GPHN: variants seen among roughly 807,000 people sequenced by gnomAD.
GPHN encodes the protein gephyrin.
A neutral mutation model predicts 95.5 loss-of-function variants in GPHN; 17 were observed. The observed-to-expected ratio is 0.18, with a 90% CI of 0.12 to 0.27. GPHN has a LOEUF of 0.27. Among genes scored for constraint, GPHN ranks in the 10% least tolerant of loss-of-function variants. The pLI, the probability that GPHN is intolerant of heterozygous loss-of-function variation, is 1.00. For missense variants in GPHN, 660 were observed against 978.1 expected (o/e 0.67, Z 4.34); for synonymous variants, 320 against 322.5 (o/e 0.99, Z 0.08).
At chr14:67,381,667 T>G in the GPHN span, 1 of 1,613,374 alleles carries the variant, frequency 6.2e-7, no homozygotes, top group Admixed American at 1.7e-5. Flanking sequence ...TTTGAATTGT[T>G]CTACAGAAAA....
intron 1 of GPHN, among the ~76,000 whole-genome samples, chr14:66,509,598 A>ATTGAGTGTAAATGT (rs1442077668): frequency 2.6e-5 from 4 of 152,144 alleles, no homozygotes; most frequent in Non-Finnish European, 4.4e-5. Flanking sequence ...GTAATTGGCA[A>ATTGAGTGTAAATGT]GGTTTATGTG....
chr14:67,631,289 A>G, the GPHN span, among the ~76,000 whole-genome samples: 1 of 152,152 alleles, frequency 6.6e-6, no homozygotes, highest in Non-Finnish European at 1.5e-5. Context: ...TTGCTGCAGT[A>G]TCTGACCTAC....
At chr14:67,665,483 G>C in the GPHN span, among the ~76,000 whole-genome samples, 4 of 151,782 alleles carry the variant, frequency 2.6e-5, no homozygotes. Context: ...TGCCTAAGCT[G>C]GTCTTGACTC....
intron 2 of GPHN, among the ~76,000 whole-genome samples, chr14:66,708,377 G>T (rs1483166311): frequency 1.3e-5 from 2 of 152,068 alleles, no homozygotes; most frequent in East Asian, 3.9e-4. Flanking sequence ...AAATGTTTTG[G>T]AAATATTTGG....
intron 1 of GPHN, among the ~76,000 whole-genome samples, chr14:66,551,456 T>C (rs1189257161): frequency 6.6e-6 from 1 of 152,198 alleles, no homozygotes; most frequent in African/African-American, 2.4e-5. Context: ...AGATGTCATT[T>C]TGAGGTAACC....
At chr14:67,235,750 T>C in the GPHN span, among the ~76,000 whole-genome samples, 1 of 152,098 alleles carries the variant, frequency 6.6e-6, no homozygotes, top group Admixed American at 6.6e-5. Flanking sequence ...CTATTTTATT[T>C]CTTGACACAT....
chr14:66,777,116 C>G (rs1301987393), intron 3 of GPHN, among the ~76,000 whole-genome samples: 2 of 150,246 alleles, frequency 1.3e-5, no homozygotes, highest in Non-Finnish European at 3.0e-5. Flanking sequence ...ATCAAATAGA[C>G]GCAATAAAAA....
intron 10 of GPHN, among the ~76,000 whole-genome samples, chr14:67,030,377 C>G (rs1418493572): frequency 4.6e-5 from 7 of 152,094 alleles, no homozygotes; most frequent in Admixed American, 4.6e-4. Flanking sequence ...AAATCTAAAC[C>G]TATCATACTC....
chr14:67,727,466 G>T, the GPHN span: 1 of 388,488 alleles, frequency 2.6e-6, no homozygotes, highest in Non-Finnish European at 4.8e-6. Context: ...GCAACAGACA[G>T]AGGCTTTTTG....
chr14:66,766,707 T>A (rs905517226), intron 2 of GPHN, among the ~76,000 whole-genome samples: 3 of 152,158 alleles, frequency 2.0e-5, no homozygotes, highest in Admixed American at 2.0e-4. Flanking sequence ...ATTGAAAGCA[T>A]CAAAGCAAAA....
the GPHN span, among the ~76,000 whole-genome samples, chr14:67,605,939 G>A: frequency 6.6e-6 from 1 of 152,064 alleles, no homozygotes; most frequent in Non-Finnish European, 1.5e-5. Context: ...TGCCTGCCTC[G>A]GCCTCCTAAA....
At chr14:67,164,643 C>T (rs1595453486) in intron 19 of GPHN, among the ~76,000 whole-genome samples, 1 of 152,126 alleles carries the variant, frequency 6.6e-6, no homozygotes, top group South Asian at 2.1e-4. Flanking sequence ...AGGCGCACAC[C>T]ACCATGCCTG....
the GPHN span, chr14:67,198,039 TA>T: frequency 3.9e-5 from 46 of 1,172,316 alleles, no homozygotes; most frequent in Non-Finnish European, 4.8e-5. Flanking sequence ...ATATCACAGA[TA>T]TTGATAAAAT....
the GPHN span, among the ~76,000 whole-genome samples, chr14:67,461,931 T>C: frequency 1.3e-5 from 2 of 152,236 alleles, no homozygotes; most frequent in Non-Finnish European, 2.9e-5. Context: ...TTCTGCCTCC[T>C]GTTCTGACCT....
At chr14:66,676,001 A>T (rs150754464) in intron 1 of GPHN, among the ~76,000 whole-genome samples, 1 of 152,006 alleles carries the variant, frequency 6.6e-6, no homozygotes, top group East Asian at 1.9e-4. Flanking sequence ...AAGTTCAAAG[A>T]TATTTTATCC....
At chr14:67,534,943 G>T in the GPHN span, among the ~76,000 whole-genome samples, 1 of 152,156 alleles carries the variant, frequency 6.6e-6, no homozygotes, top group South Asian at 2.1e-4. Context: ...TTTAGCAAAA[G>T]GTTGGAAACA....
At chr14:67,107,067 T>A (rs1430207281) in intron 13 of GPHN, among the ~76,000 whole-genome samples, 1 of 151,982 alleles carries the variant, frequency 6.6e-6, no homozygotes, top group Non-Finnish European at 1.5e-5. Context: ...GCTTTTTCAG[T>A]TGCATTCAAT....
the GPHN span, among the ~76,000 whole-genome samples, chr14:67,710,570 T>G: frequency 1.3e-5 from 2 of 152,158 alleles, no homozygotes; most frequent in Non-Finnish European, 2.9e-5. Flanking sequence ...CATATGAAAT[T>G]ATTTCTCTTT....
the GPHN span, chr14:67,303,574 AGCC>A: frequency 6.2e-7 from 1 of 1,613,722 alleles, no homozygotes; most frequent in South Asian, 1.1e-5. Context: ...CAACAGATCA[AGCC>A]GCCTCCTGCC....
Sources: gnomAD v4.1 joint callset for allele counts (sites outside exome capture counted in the v4.1 genomes callset) on GRCh38, gnomAD v4.1.1 for gene constraint, MANE v1.5 for transcripts, NCBI Gene and HGNC (gene_info 2026-07-23, HGNC 2026-07-21) for gene names.